SV2B: variants seen among roughly 807,000 people sequenced by gnomAD.
SV2B encodes the protein synaptic vesicle glycoprotein 2B, also known as solute carrier family 22 member B2.
In SV2B, 41 loss-of-function variants were observed where a neutral mutation model predicts 73.9. That is an observed-to-expected ratio of 0.56 (90% confidence interval 0.43 to 0.72). The LOEUF (loss-of-function observed/expected upper bound fraction) is 0.72, where lower values mean the gene tolerates loss of function less well. SV2B is among the 30% of genes least tolerant of loss of function. SV2B has a pLI of 0.00. For synonymous variants in SV2B, 314 were observed against 314.2 expected, an observed-to-expected ratio of 1.00 and a Z score of 0.01; for missense variants, 764 against 857.8, an observed-to-expected ratio of 0.89 and a Z score of 1.37.
At chr15:91,138,547 A>G (rs2042910489) in intron 1 of SV2B, among the ~76,000 whole-genome samples, 1 of 152,218 alleles carries the variant, frequency 6.6e-6, no homozygotes, top group Non-Finnish European at 1.5e-5. Context: ...AACCAATAAC[A>G]GATTGAAGAT....
Position 91,266,668 on chromosome 15 carries a change from C to A in SV2B, c.1095C>A (p.Val365=). ...GAACCTGGTACCAGCGCTGGCTGGTCAGATTCAAGACCATTTTCAAGCAGG... is the reference window on the plus strand; with the variant it reads ...GAACCTGGTACCAGCGCTGGCTGGTAAGATTCAAGACCATTTTCAAGCAGG... ...STGTWYQRWL[V]RFKTIFKQVW... is the part of the protein sequence containing the mutation. The change falls in exon 7 of 13, where the codon GTC becomes GTA. Residue 365 remains valine, a synonymous_variant. Coordinates refer to ENST00000394232, the MANE Select transcript of SV2B (RefSeq NM_001323032.3). 1 of 1,613,734 alleles carries A rather than the reference C, an allele frequency of 6.2e-7. No individual in the cohort carries two copies. Among genetic ancestry groups the A allele is most frequent in the South Asian group, 1.1e-5 (1 of 90,976 alleles).
Position 91,252,230 on chromosome 15 carries a change from G to A in SV2B, c.633-139G>A. The A allele has an allele frequency of 1.6e-6, 2 of 1,239,860 alleles. No individual in the cohort carries two copies. The highest frequency in any genetic ancestry group is 1.5e-5 in the South Asian group (1 of 66,918). 76.8% of individuals were successfully genotyped at this position (1,239,860 alleles called of 1,614,324 possible). A position where few individuals can be genotyped will look rare whatever the true frequency, so the allele number is the denominator to read the frequency against. On this transcript the variant is annotated intron_variant, in intron 3 of 12. Transcript: ENST00000394232. The surrounding 1 kb of genome is among the most constrained non-coding windows in gnomAD (Gnocchi z 4.6). ...AAGACTGCTTCCCACATGTAGAGAG[G>A]AACTAACTGGCCGGTCTCTCAAATT... is the stretch of plus-strand genomic sequence containing the variant.
chr15:91,109,551 T>A (rs920664244), intron 1 of SV2B, among the ~76,000 whole-genome samples: 1 of 152,176 alleles, frequency 6.6e-6, no homozygotes, highest in African/African-American at 2.4e-5. Context: ...GAGCTGTCTA[T>A]CATTACCCCT....
At chr15:91,218,377 CA>C (rs2046105728) in intron 1 of SV2B, among the ~76,000 whole-genome samples, 1 of 152,116 alleles carries the variant, frequency 6.6e-6, no homozygotes, top group South Asian at 2.1e-4. Context: ...AGAGGAAAGT[CA>C]GAACACATTT....
chr15:91,252,538 A>G lies in SV2B; in HGVS notation c.784+18A>G, dbSNP rs755388386. The G allele has an allele frequency of 1.4e-5, 22 of 1,588,156 alleles. No homozygotes were observed. The highest frequency in any genetic ancestry group is 1.8e-5 in the Non-Finnish European group (21 of 1,166,150). Reference sequence around the variant, plus strand: ...ACACTATGGTGAGTCATGGCTCCAAACAGCCTAGGGGGCCCTGTTTCTATG... The same window carrying G: ...ACACTATGGTGAGTCATGGCTCCAAGCAGCCTAGGGGGCCCTGTTTCTATG... On this transcript the variant is annotated intron_variant, in intron 4 of 12. Coordinates refer to ENST00000394232, the MANE Select transcript of SV2B (RefSeq NM_001323032.3). The surrounding 1 kb of genome is among the most constrained non-coding windows in gnomAD (Gnocchi z 4.6).
rs916823530 is a variant in SV2B at position 91,301,360 on chromosome 15, G to C, written c.*8808G>C. 1.3e-5 allele frequency: 2 copies of C among 151,234 alleles called. No individual in the cohort carries two copies. The highest frequency in any genetic ancestry group is 2.4e-5 in the African/African-American group (1 of 41,408). 9.4% of individuals were successfully genotyped at this position (151,234 alleles called of 1,614,324 possible). A position where few individuals can be genotyped will look rare whatever the true frequency, so the allele number is the denominator to read the frequency against. Reference sequence around the variant, plus strand: ...GTGGTTTCATTTATCTCTCCCTTCAGATGTTTTTCCATCTGACTGTCACTG... The same window carrying C: ...GTGGTTTCATTTATCTCTCCCTTCACATGTTTTTCCATCTGACTGTCACTG... On this transcript the variant is annotated 3_prime_UTR_variant, in exon 13 of 13. Transcript: ENST00000394232. This position sits in a 1 kb window ranked among gnomAD's most constrained non-coding sequence, Gnocchi z 4.3.
At chr15:91,194,043 G>A (rs2045150326) in intron 1 of SV2B, among the ~76,000 whole-genome samples, 1 of 151,792 alleles carries the variant, frequency 6.6e-6, no homozygotes, top group African/African-American at 2.4e-5. Context: ...ACCTGGCCAG[G>A]GCACTGGGAT....
In SV2B at chr15:91,214,370, C is replaced by T. The variant is rs2045959184; in HGVS notation, c.-391-11503C>T. 1.3e-5 allele frequency among the ~76,000 whole-genome samples: 2 copies of T among 152,278 alleles called. No homozygotes were observed. Among genetic ancestry groups the T allele is most frequent in the Admixed American group, 6.5e-5 (1 of 15,300 alleles). ...AGGAATTAGGGAATACCTAGGAAGG[C>T]ATATCTGTGTGTGTGTTTATATAAC... is the stretch of plus-strand genomic sequence containing the variant. On this transcript the variant is annotated intron_variant, in intron 1 of 12. Transcript: ENST00000394232. The surrounding 1 kb of genome is among the most constrained non-coding windows in gnomAD (Gnocchi z 4.7).
At chr15:91,117,539 G>A (rs1670128859) in intron 1 of SV2B, among the ~76,000 whole-genome samples, 1 of 152,200 alleles carries the variant, frequency 6.6e-6, no homozygotes, top group Non-Finnish European at 1.5e-5. Flanking sequence ...GTCTGCTCCA[G>A]GCATCTCTCA....
rs62026588 is a variant in SV2B, at chr15:91,227,140, G to A, written c.451+426G>A. The stretch of plus-strand genomic sequence containing the variant: ...TCTCTTCCACTTGGTCCTTCTCTCT[G>A]TGTCTTTCCAGAGTCCGATGGTGTC... On this transcript the variant is annotated intron_variant, in intron 2 of 12. Coordinates refer to ENST00000394232, the MANE Select transcript of SV2B (RefSeq NM_001323032.3). The surrounding 1 kb of genome is among the most constrained non-coding windows in gnomAD (Gnocchi z 4.5). Among the ~76,000 whole-genome samples the A allele has an allele frequency of 6.6e-6, 1 of 152,104 alleles. No homozygotes were observed. The highest frequency in any genetic ancestry group is 2.4e-5 in the African/African-American group (1 of 41,412).
At chr15:91,238,413 C>G (rs556208450) in intron 2 of SV2B, among the ~76,000 whole-genome samples, 13 of 152,220 alleles carry the variant, frequency 8.5e-5, no homozygotes, top group Non-Finnish European at 1.5e-4. Context: ...AGTGACAGAT[C>G]TAGGATTTCA....
rs917615709 is a variant in SV2B, at chr15:91,124,948, C to T, written c.-392+24585C>T. Among the ~76,000 whole-genome samples the T allele has an allele frequency of 6.6e-6, 1 of 152,166 alleles. No homozygotes were observed. Among genetic ancestry groups the T allele is most frequent in the Non-Finnish European group, 1.5e-5 (1 of 68,038 alleles). On this transcript the variant is annotated intron_variant, in intron 1 of 12. Transcript: ENST00000394232. This position sits in a 1 kb window ranked among gnomAD's most constrained non-coding sequence, Gnocchi z 4.6. ...ATATTACAGGTGTGAGCCACTGCGC[C>T]CAGCCCAGAAATTTATTTCTGGTGG...
In SV2B at chr15:91,242,877, T is replaced by C. The variant is rs190167046; in HGVS notation, c.452-8942T>C. ...TAGTAGTGTTTTAAAACTCAGAGAT[T>C]TTATTTAGCAATCTAGATTTCTGGT... On this transcript the variant is annotated intron_variant, in intron 2 of 12. Coordinates refer to ENST00000394232, the MANE Select transcript of SV2B (RefSeq NM_001323032.3). The surrounding 1 kb of genome is among the most constrained non-coding windows in gnomAD (Gnocchi z 4.9). Among the ~76,000 whole-genome samples the C allele has an allele frequency of 1.3e-5, 2 of 152,156 alleles. No homozygotes were observed. Among genetic ancestry groups the C allele is most frequent in the Non-Finnish European group, 2.9e-5 (2 of 68,028 alleles).
chr15:91,250,734 G>C (rs887241892), intron 2 of SV2B, among the ~76,000 whole-genome samples: 8 of 151,994 alleles, frequency 5.3e-5, no homozygotes, highest in African/African-American at 1.9e-4. Flanking sequence ...AACATACTTA[G>C]GAATGAATTT....
intron 6 of SV2B, among the ~76,000 whole-genome samples, chr15:91,262,581 A>G (rs1401900452): frequency 1.3e-5 from 2 of 152,066 alleles, no homozygotes; most frequent in African/African-American, 4.8e-5. Flanking sequence ...CCAGCACCCA[A>G]TAGTTATCTC....
chr15:91,119,922 G>GC (rs2042283461), intron 1 of SV2B, among the ~76,000 whole-genome samples: 1 of 152,104 alleles, frequency 6.6e-6, no homozygotes, highest in Non-Finnish European at 1.5e-5. Context: ...TTTAAATTAA[G>GC]CATTAGTGTT....
chr15:91,134,321 C>G (rs1345286371), intron 1 of SV2B, among the ~76,000 whole-genome samples: 2 of 152,056 alleles, frequency 1.3e-5, no homozygotes, highest in Non-Finnish European at 2.9e-5. Context: ...CTTGTCATCA[C>G]TCAACTTCTT....
chr15:91,153,016 C>A (rs929917212), intron 1 of SV2B, among the ~76,000 whole-genome samples: 4 of 152,072 alleles, frequency 2.6e-5, no homozygotes, highest in African/African-American at 9.7e-5. Flanking sequence ...TTGGTGCCTT[C>A]CAAGATGGTG....
rs760669596 is a variant in SV2B, at chr15:91,227,926, A to G, written c.451+1212A>G. On this transcript the variant is annotated intron_variant, in intron 2 of 12. Transcript: ENST00000394232. This position sits in a 1 kb window ranked among gnomAD's most constrained non-coding sequence, Gnocchi z 4.5. The stretch of plus-strand genomic sequence containing the variant: ...GCAGACCCAGATGGTCTCTGTCACA[A>G]TCACTCAACTCTGTCACTGTAGCAC... Among the ~76,000 whole-genome samples the G allele has an allele frequency of 2.6e-5, 4 of 152,204 alleles. No individual in the cohort carries two copies. The highest frequency in any genetic ancestry group is 4.8e-5 in the African/African-American group (2 of 41,444).
Sources: gnomAD v4.1 joint callset for allele counts (sites outside exome capture counted in the v4.1 genomes callset) on GRCh38, gnomAD v4.1.1 for gene constraint, Gnocchi (gnomAD v3.1) non-coding constraint, MANE v1.5 for transcripts, NCBI Gene and HGNC (gene_info 2026-07-23, HGNC 2026-07-21) for gene names.